Variants in PTPRA observed in about 807,000 individuals in gnomAD.
The protein encoded by PTPRA is protein tyrosine phosphatase receptor type A.
A neutral mutation model predicts 104.8 loss-of-function variants in PTPRA; 25 were observed. The observed-to-expected ratio is 0.24, with a 90% CI of 0.17 to 0.33. The LOEUF is 0.33. Among genes scored for constraint, PTPRA ranks in the 10% least tolerant of loss-of-function variants. PTPRA has a pLI of 1.00. For missense variants in PTPRA, 765 were observed against 1,015.3 expected, an observed-to-expected ratio of 0.75 and a Z score of 3.35; for synonymous variants, 323 against 368.9, an observed-to-expected ratio of 0.88 and a Z score of 1.43.
intron 9 of PTPRA, among the ~76,000 whole-genome samples, chr20:2,993,967 A>G (rs982722248): frequency 3.9e-5 from 6 of 152,160 alleles, no homozygotes; most frequent in Non-Finnish European, 5.9e-5. Context: ...GATAGATTAG[A>G]TAGATTAATA....
At chr20:2,996,349 T>C (rs894563146) in intron 9 of PTPRA, among the ~76,000 whole-genome samples, 1 of 152,172 alleles carries the variant, frequency 6.6e-6, no homozygotes, top group African/African-American at 2.4e-5. Flanking sequence ...CAGGTATGAC[T>C]GTGTTTGGAT....
chr20:2,924,686 T>C (rs1303741555), intron 2 of PTPRA, among the ~76,000 whole-genome samples: 2 of 151,998 alleles, frequency 1.3e-5, no homozygotes, highest in Non-Finnish European at 2.9e-5. Flanking sequence ...AAAAGGTGTT[T>C]TGTTTTGTTT....
intron 1 of PTPRA, among the ~76,000 whole-genome samples, chr20:2,910,045 A>G (rs28851035): frequency 8.1e-6 from 1 of 123,268 alleles, no homozygotes; most frequent in Non-Finnish European, 1.6e-5. Context: ...ATCATATATA[A>G]TATATATCAT....
intron 3 of PTPRA, among the ~76,000 whole-genome samples, chr20:2,962,444 G>C (rs895349423): frequency 6.6e-6 from 1 of 152,084 alleles, no homozygotes; most frequent in African/African-American, 2.4e-5. Context: ...TGAGGTGGTG[G>C]TCTAACTCCC....
intron 16 of PTPRA, among the ~76,000 whole-genome samples, chr20:3,024,061 C>T (rs993545330): frequency 6.6e-6 from 1 of 152,146 alleles, no homozygotes; most frequent in Non-Finnish European, 1.5e-5. Flanking sequence ...TGATGAAGCT[C>T]GGCCACATCT....
intron 1 of PTPRA, among the ~76,000 whole-genome samples, chr20:2,920,118 G>A (rs1296597302): frequency 6.6e-6 from 1 of 152,172 alleles, no homozygotes; most frequent in Non-Finnish European, 1.5e-5. Context: ...TCAATGAGTA[G>A]GTGGTAATTT....
At chr20:2,939,850 C>T (rs1452566670) in intron 2 of PTPRA, among the ~76,000 whole-genome samples, 1 of 152,112 alleles carries the variant, frequency 6.6e-6, no homozygotes, top group East Asian at 1.9e-4. Context: ...CTGACGCCTA[C>T]AATCCCAGCA....
intron 9 of PTPRA, among the ~76,000 whole-genome samples, chr20:2,989,369 G>A (rs1233237977): frequency 1.3e-5 from 2 of 152,086 alleles, no homozygotes; most frequent in African/African-American, 4.8e-5. Flanking sequence ...GGAGGCGGAG[G>A]TTGCAGTGAG....
intron 3 of PTPRA, among the ~76,000 whole-genome samples, chr20:2,961,217 C>T (rs975587062): frequency 2.6e-5 from 4 of 152,148 alleles, no homozygotes; most frequent in Non-Finnish European, 4.4e-5. Context: ...AGCTGCCTTC[C>T]AAAGTGGATG....
intron 5 of PTPRA, among the ~76,000 whole-genome samples, chr20:2,966,309 C>G (rs2061944736): frequency 6.6e-6 from 1 of 152,204 alleles, no homozygotes; most frequent in African/African-American, 2.4e-5. Context: ...CTTTATCTCT[C>G]TACCTCGGTT....
intron 2 of PTPRA, among the ~76,000 whole-genome samples, chr20:2,928,125 GTTGT>G (rs2060374408): frequency 6.6e-5 from 10 of 152,000 alleles, no homozygotes; most frequent in South Asian, 2.1e-4. Context: ...GTTTTTTGTT[GTTGT>G]TGTTGTTGTT....
Position 2,916,139 on chromosome 20 carries a change from A to G in PTPRA, c.-128-7068A>G, listed in dbSNP as rs144889615. ...ACTGCAGCCTTGACCTCCTGGGCTC[A>G]AGCTATCCTCCCACCTCAGCCTCCC... On this transcript the variant is annotated intron_variant, in intron 1 of 23. Coordinates refer to ENST00000399903, the MANE Select transcript of PTPRA (RefSeq NM_001385305.1). 2.5e-3 allele frequency among the ~76,000 whole-genome samples: 376 copies of G among 152,222 alleles called. 4 individuals are homozygous for G. The East Asian group carries it at 0.035, about 14-fold the overall frequency.
At chr20:3,017,686 A>G in intron 12 of PTPRA, 130 bp from the exon 13 acceptor site, 1 of 701,598 alleles carries the variant, frequency 1.4e-6, no homozygotes, top group South Asian at 1.8e-5. Flanking sequence ...GTGGATGGAT[A>G]CATGGGTTAG....
At chr20:2,890,410 G>A (rs1225150517) in intron 1 of PTPRA, among the ~76,000 whole-genome samples, 1 of 152,150 alleles carries the variant, frequency 6.6e-6, no homozygotes, top group Non-Finnish European at 1.5e-5. Flanking sequence ...TAGTAAATGG[G>A]TTCAGCTGTA....
rs2061300112 is a variant in PTPRA at position 2,950,001 on chromosome 20, ATAT to A, written c.-7+1982_-7+1984del. Among the ~76,000 whole-genome samples the A allele has an allele frequency of 1.3e-5, 2 of 152,204 alleles. No homozygotes were observed. The highest frequency in any genetic ancestry group is 4.1e-4 in the South Asian group (2 of 4,824). ...ATACTTTGTTATGATTTTTGAATAT[ATAT>A]TATTGTGTAAAAGTGAGCCTGTGAT... On this transcript the variant is annotated intron_variant, in intron 3 of 23. Coordinates refer to ENST00000399903, the MANE Select transcript of PTPRA (RefSeq NM_001385305.1). The surrounding 1 kb of genome is among the most constrained non-coding windows in gnomAD (Gnocchi z 4.0).
chr20:2,865,386 A>T, the PTPRA span: 1 of 1,614,064 alleles, frequency 6.2e-7, no homozygotes, highest in Non-Finnish European at 8.5e-7. The surrounding 1 kb of genome is among the most constrained non-coding windows in gnomAD (Gnocchi z 5.2). Context: ...CTCCAAGCCC[A>T]GCTTTCCTGC....
intron 2 of PTPRA, among the ~76,000 whole-genome samples, chr20:2,945,683 C>T (rs770210566): frequency 4.3e-4 from 65 of 151,886 alleles, no homozygotes; most frequent in Non-Finnish European, 7.1e-4. Flanking sequence ...AATCCCAGCA[C>T]TTTATGAAGT....
intron 1 of PTPRA, among the ~76,000 whole-genome samples, chr20:2,886,683 TAA>T (rs34430434): frequency 7.4e-5 from 10 of 135,894 alleles, no homozygotes; most frequent in African/African-American, 1.1e-4. Context: ...CCGTCTCTAC[TAA>T]AAAAAAAAAA....
At chr20:3,025,985 A>C (rs900262710) in intron 17 of PTPRA, among the ~76,000 whole-genome samples, 16 of 148,114 alleles carry the variant, frequency 1.1e-4, no homozygotes, top group Admixed American at 1.0e-3. Flanking sequence ...CACTCTTGTC[A>C]CCCGGGCTGG....
Sources: gnomAD v4.1 joint callset for allele counts (sites outside exome capture counted in the v4.1 genomes callset) on GRCh38, gnomAD v4.1.1 for gene constraint, Gnocchi (gnomAD v3.1) non-coding constraint, MANE v1.5 for transcripts, NCBI Gene and HGNC (gene_info 2026-07-23, HGNC 2026-07-21) for gene names.